CHCHD6: variants seen among roughly 807,000 people sequenced by gnomAD.
The protein encoded by CHCHD6 is MICOS complex subunit MIC25.
Under a neutral mutation model 32.3 loss-of-function variants are expected in CHCHD6, and 28 were observed. The observed-to-expected ratio is 0.87, with a 90% CI of 0.64 to 1.19. The LOEUF is 1.19. Among genes scored for constraint, CHCHD6 ranks in the 50% most tolerant of loss-of-function variants. CHCHD6 has a pLI of 0.00. For missense variants in CHCHD6, 333 were observed against 307.0 expected, an observed-to-expected ratio of 1.08 and a Z score of -0.63; for synonymous variants, 122 against 117.5, an observed-to-expected ratio of 1.04 and a Z score of -0.25.
At chr3:126,887,690 A>G (rs975901153) in intron 5 of CHCHD6, among the ~76,000 whole-genome samples, 2 of 152,206 alleles carry the variant, frequency 1.3e-5, no homozygotes, top group East Asian at 1.9e-4. Context: ...TGACCAAAAC[A>G]TAAGTGATGT....
At chr3:126,824,820 C>G (rs1334717103) in intron 4 of CHCHD6, among the ~76,000 whole-genome samples, 1 of 151,950 alleles carries the variant, frequency 6.6e-6, no homozygotes, top group African/African-American at 2.4e-5. Context: ...CTCAGGTGAT[C>G]CGCCCACCTC....
chr3:126,866,737 C>T (rs1437029177), intron 5 of CHCHD6, among the ~76,000 whole-genome samples: 1 of 152,212 alleles, frequency 6.6e-6, no homozygotes. Flanking sequence ...ATGATTTTGT[C>T]ACATTTGCTC....
At chr3:126,783,951 G>A (rs1446303669) in intron 4 of CHCHD6, among the ~76,000 whole-genome samples, 1 of 152,100 alleles carries the variant, frequency 6.6e-6, no homozygotes, top group Non-Finnish European at 1.5e-5. Context: ...TTGGGGGAGG[G>A]TAAGAGGGCA....
intron 4 of CHCHD6, among the ~76,000 whole-genome samples, chr3:126,743,691 CAG>C (rs1465316132): frequency 8.5e-5 from 13 of 152,154 alleles, no homozygotes; most frequent in Admixed American, 8.5e-4. Context: ...CCCAAGGGAA[CAG>C]AGCAGCAGGG....
chr3:126,717,074 G>C (rs972283337), intron 1 of CHCHD6, among the ~76,000 whole-genome samples: 1 of 152,182 alleles, frequency 6.6e-6, no homozygotes, highest in South Asian at 2.1e-4. Context: ...AGTTAAGCAC[G>C]CAGGCCGGGG....
At chr3:126,764,466 C>T (rs1451825251) in intron 4 of CHCHD6, among the ~76,000 whole-genome samples, 8 of 152,086 alleles carry the variant, frequency 5.3e-5, no homozygotes, top group Admixed American at 4.6e-4. Context: ...TTAACCCATT[C>T]GGAAGTTCAT....
intron 5 of CHCHD6, among the ~76,000 whole-genome samples, chr3:126,905,927 C>G (rs539562245): frequency 1.3e-5 from 2 of 151,996 alleles, no homozygotes; most frequent in Non-Finnish European, 1.5e-5. Context: ...AACCAAGAGA[C>G]GAGGGCATGT....
rs138785721 is a variant in CHCHD6, at chr3:126,874,438, C to T, written c.495+21708C>T. ...GGGAGAGGGCACAAGCAGCTGAGCCCGTCAGGATGTGTACCATGTAGCCTT... is the reference window on the plus strand; with the variant it reads ...GGGAGAGGGCACAAGCAGCTGAGCCTGTCAGGATGTGTACCATGTAGCCTT... On this transcript the variant is annotated intron_variant, in intron 5 of 7. Transcript: ENST00000290913. Among the ~76,000 whole-genome samples the T allele has an allele frequency of 3.2e-4, 48 of 152,220 alleles. 1 individual carries two copies. The highest frequency in any genetic ancestry group is 1.1e-3 in the African/African-American group (44 of 41,536).
intron 6 of CHCHD6, among the ~76,000 whole-genome samples, chr3:126,953,723 G>A (rs999201373): frequency 1.3e-5 from 2 of 152,212 alleles, no homozygotes; most frequent in African/African-American, 2.4e-5. Flanking sequence ...ACACCAATGC[G>A]AATGGTGTGA....
At chr3:126,816,345 C>T (rs1469356104) in intron 4 of CHCHD6, among the ~76,000 whole-genome samples, 5 of 152,170 alleles carry the variant, frequency 3.3e-5, no homozygotes, top group Non-Finnish European at 7.3e-5. Flanking sequence ...ACATAAGCAG[C>T]CACAGCCAGG....
At chr3:126,752,080 G>C (rs1409659094) in intron 4 of CHCHD6, among the ~76,000 whole-genome samples, 2 of 152,228 alleles carry the variant, frequency 1.3e-5, no homozygotes, top group African/African-American at 4.8e-5. Flanking sequence ...GGCACTCTAG[G>C]ACTAGCATTT....
At chr3:126,823,628 G>A (rs952272671) in intron 4 of CHCHD6, among the ~76,000 whole-genome samples, 3 of 152,022 alleles carry the variant, frequency 2.0e-5, no homozygotes, top group African/African-American at 7.3e-5. Context: ...TACATATATA[G>A]TCATGTCATC....
chr3:126,756,048 G>T (rs1158042821), intron 4 of CHCHD6, among the ~76,000 whole-genome samples: 1 of 152,118 alleles, frequency 6.6e-6, no homozygotes, highest in Non-Finnish European at 1.5e-5. Context: ...GCAGGGCTCG[G>T]AGAGAATCCC....
chr3:126,860,030 G>A (rs563139189), intron 5 of CHCHD6, among the ~76,000 whole-genome samples: 19 of 152,204 alleles, frequency 1.2e-4, no homozygotes, highest in African/African-American at 4.6e-4. Context: ...GGTGTGTCTC[G>A]TTGGAAGAGC....
intron 5 of CHCHD6, among the ~76,000 whole-genome samples, chr3:126,893,765 A>C (rs1423944858): frequency 6.6e-6 from 1 of 152,218 alleles, no homozygotes. Flanking sequence ...AGATGCATTG[A>C]CTATCCTGGG....
chr3:126,822,074 A>G (rs1940177644), intron 4 of CHCHD6, among the ~76,000 whole-genome samples: 1 of 152,172 alleles, frequency 6.6e-6, no homozygotes, highest in South Asian at 2.1e-4. Context: ...ATGAAATTCA[A>G]CTTACCTATT....
At chr3:126,779,390 A>G (rs1320929850) in intron 4 of CHCHD6, among the ~76,000 whole-genome samples, 2 of 152,164 alleles carry the variant, frequency 1.3e-5, no homozygotes, top group Non-Finnish European at 2.9e-5. Context: ...TACAAAAATT[A>G]GCTGGGCATG....
intron 4 of CHCHD6, chr3:126,767,060 A>G (rs1937401274): frequency 3.0e-6 from 3 of 988,756 alleles, no homozygotes; most frequent in Admixed American, 3.5e-5. Context: ...ATGGGGAACC[A>G]GTCTGTAGTT....
In CHCHD6 at chr3:126,957,500, G is replaced by C; in HGVS notation, c.651G>C (p.Leu217=). Residue 217 remains leucine (L), a synonymous_variant, in exon 7 of 8, where the codon CTG becomes CTC. Coordinates refer to ENST00000290913, the MANE Select transcript of CHCHD6 (RefSeq NM_032343.3). Reference sequence around the variant, plus strand: ...GAGATCGCCCGCATGAGGTGCTGCTGTGCTCGGACCTGGTCAAGGCATACC... The same window carrying C: ...GAGATCGCCCGCATGAGGTGCTGCTCTGCTCGGACCTGGTCAAGGCATACC... The part of the protein sequence containing the change: ...CYRDRPHEVL[L]CSDLVKAYQR... 6.3e-7 allele frequency: 1 copy of C among 1,597,950 alleles called. No individual in the cohort carries two copies. The highest frequency in any genetic ancestry group is 8.5e-7 in the Non-Finnish European group (1 of 1,172,538).
Sources: allele counts gnomAD v4.1 joint callset (sites outside exome capture counted in the v4.1 genomes callset), GRCh38; gene constraint gnomAD v4.1.1; transcripts MANE v1.5; gene names NCBI Gene and HGNC (gene_info 2026-07-23, HGNC 2026-07-21).